Variants in NOL4 observed in about 807,000 individuals in gnomAD.
NOL4 encodes the protein nucleolar protein 4.
A neutral mutation model predicts 75.9 loss-of-function variants in NOL4; 17 were observed. The observed-to-expected ratio is 0.22, with a 90% CI of 0.15 to 0.34. The LOEUF is 0.34. NOL4 is among the 10% of genes least tolerant of loss of function. The pLI is 1.00. For synonymous variants in NOL4, 292 were observed against 289.9 expected (o/e 1.01, Z -0.07); for missense variants, 614 against 793.5 (o/e 0.77, Z 2.72).
intron 6 of NOL4, among the ~76,000 whole-genome samples, chr18:33,998,060 T>C (rs1349111881): frequency 6.6e-6 from 1 of 152,002 alleles, no homozygotes; most frequent in Non-Finnish European, 1.5e-5. Context: ...CTATGTGAAA[T>C]GTCTAGAATA....
At chr18:33,912,790 C>T (rs1174398973) in intron 9 of NOL4, among the ~76,000 whole-genome samples, 1 of 151,920 alleles carries the variant, frequency 6.6e-6, no homozygotes, top group Non-Finnish European at 1.5e-5. Context: ...AAATATTTTG[C>T]CTAATTCATC....
chr18:34,074,178 T>C (rs1225178297), intron 5 of NOL4, among the ~76,000 whole-genome samples: 1 of 151,808 alleles, frequency 6.6e-6, no homozygotes, highest in Non-Finnish European at 1.5e-5. Flanking sequence ...ATATTTAACA[T>C]TGTAAATCTC....
intron 6 of NOL4, among the ~76,000 whole-genome samples, chr18:34,001,329 T>A (rs2073688863): frequency 6.6e-6 from 1 of 152,172 alleles, no homozygotes; most frequent in Non-Finnish European, 1.5e-5. Context: ...GACTGTAGGT[T>A]TGTTCTACTA....
At chr18:33,915,943 T>C (rs2066696542) in intron 9 of NOL4, among the ~76,000 whole-genome samples, 1 of 152,106 alleles carries the variant, frequency 6.6e-6, no homozygotes, top group Non-Finnish European at 1.5e-5. Context: ...TAAAATTTAT[T>C]CCCAAATTGC....
At chr18:34,134,447 GACACACACACACACACAC>G (rs199707766) in intron 1 of NOL4, among the ~76,000 whole-genome samples, 4 of 134,242 alleles carry the variant, frequency 3.0e-5, no homozygotes, top group South Asian at 2.8e-4. Context: ...GACTCCAAGT[GACACACACACACACACAC>G]ACACACACAC....
At chr18:34,128,773 T>C (rs1021505349) in intron 2 of NOL4, 3 of 511,082 alleles carry the variant, frequency 5.9e-6, no homozygotes, top group Non-Finnish European at 7.6e-6. Flanking sequence ...AATATGACCC[T>C]GGAAATATAG....
intron 5 of NOL4, among the ~76,000 whole-genome samples, chr18:34,024,194 A>ATATATATATATATATAT (rs1555696186): frequency 3.0e-4 from 21 of 70,672 alleles, no homozygotes; most frequent in African/African-American, 5.8e-4. Flanking sequence ...AAAAAAAAAA[A>ATATATATATATATATAT]ATATATATAT....
chr18:34,052,702 A>G (rs1411014418), intron 5 of NOL4, among the ~76,000 whole-genome samples: 1 of 152,088 alleles, frequency 6.6e-6, no homozygotes, highest in Non-Finnish European at 1.5e-5. Flanking sequence ...CAGATGGACA[A>G]AAACATAGGA....
At chr18:34,087,846 T>C (rs2078318004) in intron 5 of NOL4, among the ~76,000 whole-genome samples, 1 of 151,976 alleles carries the variant, frequency 6.6e-6, no homozygotes, top group Non-Finnish European at 1.5e-5. Flanking sequence ...AGATTTTTAC[T>C]ATGGAGGCCA....
intron 9 of NOL4, among the ~76,000 whole-genome samples, chr18:33,912,981 G>A (rs773889554): frequency 3.3e-5 from 5 of 152,056 alleles, no homozygotes; most frequent in African/African-American, 4.8e-5. Flanking sequence ...TGTTCAGTAA[G>A]TATTTAATAA....
At chr18:34,194,374 TAAGAAAAG>T (rs1253356447) in intron 1 of NOL4, among the ~76,000 whole-genome samples, 1 of 134,372 alleles carries the variant, frequency 7.4e-6, no homozygotes, top group Non-Finnish European at 1.6e-5. Context: ...TAAAAGCAAC[TAAGAAAAG>T]AAGAAAAGAA....
chr18:33,862,562 A>G (rs983379728), intron 10 of NOL4, among the ~76,000 whole-genome samples: 2 of 152,186 alleles, frequency 1.3e-5, no homozygotes, highest in African/African-American at 4.8e-5. Context: ...ATGAACTTAA[A>G]CAAATTTACA....
At chr18:34,124,171 A>T (rs1392426241) in intron 2 of NOL4, among the ~76,000 whole-genome samples, 1 of 152,186 alleles carries the variant, frequency 6.6e-6, no homozygotes, top group Non-Finnish European at 1.5e-5. Flanking sequence ...TTCTTTCTAC[A>T]TTAAAGCATT....
At chr18:33,928,041 G>A (rs2067451025) in intron 9 of NOL4, among the ~76,000 whole-genome samples, 1 of 152,140 alleles carries the variant, frequency 6.6e-6, no homozygotes, top group Admixed American at 6.6e-5. Flanking sequence ...AGATTGAGGA[G>A]AAAGGACAGG....
chr18:34,016,474 G>A (rs1468915970), intron 6 of NOL4, among the ~76,000 whole-genome samples: 3 of 151,972 alleles, frequency 2.0e-5, no homozygotes, highest in African/African-American at 2.4e-5. Context: ...TGGTGGAGCC[G>A]CTTTATACTT....
At chr18:34,203,752 C>CACAT (rs2035927683) in intron 1 of NOL4, among the ~76,000 whole-genome samples, 1 of 145,104 alleles carries the variant, frequency 6.9e-6, no homozygotes, top group Non-Finnish European at 1.5e-5. Flanking sequence ...CACACACACA[C>CACAT]GGCCCTTTCT....
At chr18:34,142,925 C>A (rs2081241325) in intron 1 of NOL4, among the ~76,000 whole-genome samples, 1 of 152,020 alleles carries the variant, frequency 6.6e-6, no homozygotes, top group South Asian at 2.1e-4. Context: ...CAAAAATATT[C>A]AGGAAAAATA....
Position 34,223,197 on chromosome 18 carries a change from G to GT in NOL4, c.56dup (p.Tyr19Ter). The change falls in exon 1 of 11, where the codon TAC (tyrosine) becomes TAAC (stop). Residue 19 changes from tyrosine (Y) to a stop codon, truncating the protein, a stop_gained and frameshift_variant. Transcript: ENST00000261592. LOFTEE classifies it high-confidence loss of function. ...RQFQDWCLRT[Y>*]GDSGKTKTVT... The stretch of plus-strand genomic sequence containing the variant: ...CCGTCTTGGTCTTGCCTGAGTCCCC[G>GT]TAAGTCCTGAGGCACCAGTCCTGGA... The GT allele has an allele frequency of 6.2e-7, 1 of 1,614,142 alleles. No homozygotes were observed.
At chr18:33,989,429 A>C (rs1273165190) in intron 6 of NOL4, among the ~76,000 whole-genome samples, 1 of 152,074 alleles carries the variant, frequency 6.6e-6, no homozygotes, top group Non-Finnish European at 1.5e-5. Flanking sequence ...AAACCAAGCC[A>C]AGAGATAACT....
Sources: gnomAD v4.1 joint callset for allele counts (sites outside exome capture counted in the v4.1 genomes callset) on GRCh38, gnomAD v4.1.1 for gene constraint, MANE v1.5 for transcripts, NCBI Gene and HGNC (gene_info 2026-07-23, HGNC 2026-07-21) for gene names.